Variants in SLC51A observed in about 807,000 individuals in gnomAD.
The protein encoded by SLC51A is organic solute transporter subunit alpha.
A neutral mutation model predicts 34.8 loss-of-function variants in SLC51A; 22 were observed. The observed-to-expected ratio is 0.63, with a 90% CI of 0.45 to 0.90. The LOEUF (loss-of-function observed/expected upper bound fraction) is 0.90. Ranked by LOEUF, SLC51A falls within the 40% of genes least tolerant of loss-of-function variation. The pLI, the probability that SLC51A is intolerant of heterozygous loss-of-function variation, is 0.00. For missense variants in SLC51A, 371 were observed against 414.8 expected, an observed-to-expected ratio of 0.89 and a Z score of 0.92; for synonymous variants, 181 against 176.3, an observed-to-expected ratio of 1.03 and a Z score of -0.21.
intron 2 of SLC51A, among the ~76,000 whole-genome samples, chr3:196,224,683 A>AGAAGGGGGCGG (rs1326819861): frequency 1.1e-5 from 1 of 92,626 alleles, no homozygotes; most frequent in Non-Finnish European, 2.1e-5. Context: ...TTGAAAGAAG[A>AGAAGGGGGCGG]GAAGGGGGCG....
chr3:196,232,733 A>C (rs1724054013), intron 8 of SLC51A: 2 of 590,964 alleles, frequency 3.4e-6, no homozygotes. Flanking sequence ...GCTTGAGGCC[A>C]GCCCTGAGGG....
At position 196,228,884 on chromosome 3, in the gene SLC51A, G is replaced by C. The variant is rs758059286; in HGVS notation, c.597G>C (p.Leu199=). The C allele has an allele frequency of 1.1e-5, 17 of 1,614,038 alleles. No homozygotes were observed. The highest frequency in any genetic ancestry group is 1.4e-5 in the Non-Finnish European group (17 of 1,180,038). ...FLKITLTLVG[L]FLVPDGIYDP... ...AGATAACGCTGACCCTGGTGGGCCT[G>C]TTTCTCGTCCCCGACGGCATCTATG... The change falls in exon 6 of 9, where the codon CTG becomes CTC. Residue 199 remains leucine, a synonymous_variant. Coordinates refer to ENST00000296327, the MANE Select transcript of SLC51A (RefSeq NM_152672.6). This position sits in a 1 kb window ranked among gnomAD's most constrained non-coding sequence, Gnocchi z 4.9.
chr3:196,229,689 T>TAA (rs77390915), intron 6 of SLC51A, among the ~76,000 whole-genome samples: 17 of 135,592 alleles, frequency 1.3e-4, no homozygotes, highest in African/African-American at 3.5e-4. Flanking sequence ...TCTCTATTAT[T>TAA]AAAAAAAAAA....
Position 196,232,519 on chromosome 3 carries a change from C to G in SLC51A, c.881C>G (p.Ser294Cys). ...CCTCCCTATTCCTCTAAAACCAGGT[C>G]TCAAGGTGAGCACGTTAAGCCTCCT... ...CSPPYSSKTR[S>C]QVMNCHLLIL... Residue 294 changes from serine (S) to cysteine (C), a missense_variant, in exon 8 of 9, where the codon TCT becomes TGT. Transcript: ENST00000296327. 1.2e-6 allele frequency: 2 copies of G among 1,612,824 alleles called. No individual in the cohort carries two copies. Among genetic ancestry groups the G allele is most frequent in the Non-Finnish European group, 1.7e-6 (2 of 1,178,764 alleles).
intron 2 of SLC51A, among the ~76,000 whole-genome samples, chr3:196,221,168 C>A (rs1407827504): frequency 3.3e-5 from 5 of 151,862 alleles, no homozygotes; most frequent in Admixed American, 6.6e-5. Flanking sequence ...GTGGCCCATG[C>A]TGCAACCCCA....
intron 2 of SLC51A, chr3:196,225,877 T>C (rs1438960675): frequency 6.6e-6 from 1 of 152,236 alleles, no homozygotes; most frequent in African/African-American, 2.4e-5. Flanking sequence ...CCTGGGCAGC[T>C]AGCTGCTTTT....
Position 196,227,010 on chromosome 3 carries a change from T to G in SLC51A, c.179T>G (p.Leu60Arg), listed in dbSNP as rs1560153983. 5 of 1,614,118 alleles carry G rather than the reference T, an allele frequency of 3.1e-6. No individual in the cohort carries two copies. The highest frequency in any genetic ancestry group is 4.2e-6 in the Non-Finnish European group (5 of 1,180,016). The change falls in exon 3 of 9, where the codon CTG becomes CGG. Residue 60 changes from leucine to arginine, a missense_variant. By Grantham distance (102) the Leu-to-Arg change is moderately radical. Coordinates refer to ENST00000296327, the MANE Select transcript of SLC51A (RefSeq NM_152672.6). The stretch of plus-strand genomic sequence containing the variant: ...GCCCTCACTAGCATCCTGACCTTGC[T>G]GGCGCTGGGCTCCATTGCCATCTTC... ...ELALTSILTL[L>R]ALGSIAIFLE... is the part of the protein sequence containing the mutation.
rs889059062 is a variant in SLC51A, at chr3:196,216,640, C to T, written c.-73C>T. 65 of 1,493,682 alleles carry T rather than the reference C, an allele frequency of 4.4e-5. No homozygotes were observed. The highest frequency in any genetic ancestry group is 7.0e-5 in the African/African-American group (5 of 71,804). 92.5% of individuals were successfully genotyped at this position (1,493,682 alleles called of 1,614,324 possible). On this transcript the variant is annotated 5_prime_UTR_variant, in exon 1 of 9. Transcript: ENST00000296327. The surrounding 1 kb of genome is among the most constrained non-coding windows in gnomAD (Gnocchi z 4.5). Reference sequence around the variant, plus strand: ...CGGCCCAGGCAAGCCACCCTGCCCCCGGCCCCCACCTGCCCGCCCCGCCTG... The same window carrying T: ...CGGCCCAGGCAAGCCACCCTGCCCCTGGCCCCCACCTGCCCGCCCCGCCTG...
chr3:196,223,388 C>T (rs767022034), intron 2 of SLC51A, among the ~76,000 whole-genome samples: 5 of 151,808 alleles, frequency 3.3e-5, no homozygotes. Context: ...CGAGAATAAG[C>T]GAGTAAACAG....
Position 196,223,028 on chromosome 3 carries a change from C to T in SLC51A, c.134-3937C>T, listed in dbSNP as rs775785869. ...CCCACCCTCACCTTCATAAATGGAA[C>T]GGCCCTCCCAGGGTTGCCTTTGATG... On this transcript the variant is annotated intron_variant, in intron 2 of 8. Coordinates refer to ENST00000296327, the MANE Select transcript of SLC51A (RefSeq NM_152672.6). Among the ~76,000 whole-genome samples, 23 of 151,928 alleles carry T rather than the reference C, an allele frequency of 1.5e-4. 1 individual carries two copies. Among genetic ancestry groups the T allele is most frequent in the Non-Finnish European group, 2.7e-4 (18 of 67,816 alleles).
rs1406281058 is a variant in SLC51A at position 196,232,919 on chromosome 3, T to TAAA, written c.887-143_887-142insAAA. On this transcript the variant is annotated intron_variant, in intron 8 of 8. Coordinates refer to ENST00000296327, the MANE Select transcript of SLC51A (RefSeq NM_152672.6). ...TGGCTCTACCATTAACCCGCTGTGT[T>TAAA]ATTTATGACAATTTCGTATCCCTAA... 4.8e-6 allele frequency: 4 copies of TAAA among 837,234 alleles called. No individual in the cohort carries two copies. The African/African-American group carries it at 6.8e-5, about 14-fold the overall frequency. 51.9% of individuals were successfully genotyped at this position (837,234 alleles called of 1,614,324 possible). A position where few individuals can be genotyped will look rare whatever the true frequency, so the allele number is the denominator to read the frequency against.
intron 7 of SLC51A, among the ~76,000 whole-genome samples, chr3:196,231,482 G>A (rs1724027546): frequency 6.6e-6 from 1 of 152,206 alleles, no homozygotes; most frequent in Non-Finnish European, 1.5e-5. Flanking sequence ...AACAGAGTGA[G>A]TTCACGTACA....
At chr3:196,227,253 G>A in intron 3 of SLC51A, 134 bp downstream of exon 3, 1 of 876,602 alleles carries the variant, frequency 1.1e-6, no homozygotes, top group South Asian at 1.7e-5. Flanking sequence ...GAGGTTTGCA[G>A]GCCGACCTCC....
At chr3:196,230,100 G>A (rs779612597) in intron 7 of SLC51A, 39 bp downstream of exon 7, 135 of 1,552,830 alleles carry the variant, frequency 8.7e-5, no homozygotes, top group Non-Finnish European at 1.1e-4. Flanking sequence ...TTTCATAACC[G>A]AGCTACAGAT....
Position 196,227,092 on chromosome 3 carries a change from T to C in SLC51A, c.261T>C (p.Thr87=). 1 of 1,614,088 alleles carries C rather than the reference T, an allele frequency of 6.2e-7. No homozygotes were observed. The highest frequency in any genetic ancestry group is 8.5e-7 in the Non-Finnish European group (1 of 1,180,026). ...KNTLCPIKRR[T]LLWKSSAPTV... ...CCCTTTGCCCCATCAAGAGGCGGACTCTGCTCTGGAAGAGCTCGGCACCCA... is the reference window on the plus strand; with the variant it reads ...CCCTTTGCCCCATCAAGAGGCGGACCCTGCTCTGGAAGAGCTCGGCACCCA... The change falls in exon 3 of 9, where the codon ACT becomes ACC. Residue 87 remains threonine, a synonymous_variant. Coordinates refer to ENST00000296327, the MANE Select transcript of SLC51A (RefSeq NM_152672.6).
At chr3:196,217,667 GAA>G (rs1046599117) in intron 1 of SLC51A, among the ~76,000 whole-genome samples, 173 bp from the exon 2 acceptor site, 3 of 151,544 alleles carry the variant, frequency 2.0e-5, no homozygotes, top group Non-Finnish European at 2.9e-5. Context: ...AAGGGAGAGA[GAA>G]AGAGAAAGAG....
chr3:196,228,995 C>A lies in SLC51A; in HGVS notation c.633+75C>A. 2.4e-6 allele frequency: 3 copies of A among 1,238,966 alleles called. No homozygotes were observed. Among genetic ancestry groups the A allele is most frequent in the Admixed American group, 1.7e-5 (1 of 58,276 alleles). The allele number at this position is 1,238,966 out of a possible 1,614,324, so 76.7% of individuals were successfully genotyped here. On this transcript the variant is annotated intron_variant, in intron 6 of 8. Transcript: ENST00000296327. The surrounding 1 kb of genome is among the most constrained non-coding windows in gnomAD (Gnocchi z 4.9). Reference sequence around the variant, plus strand: ...TGTGTTCTAAAAGGAATCACCAGAGCCAACACCCCTTGACAGAGGGCCCCA... The same window carrying A: ...TGTGTTCTAAAAGGAATCACCAGAGACAACACCCCTTGACAGAGGGCCCCA...
rs1177148031 is a variant in SLC51A at position 196,227,704 on chromosome 3, G to A, written c.329G>A (p.Arg110His). 5.6e-6 allele frequency: 9 copies of A among 1,613,558 alleles called. No individual in the cohort carries two copies. Among genetic ancestry groups the A allele is most frequent in the African/African-American group, 2.7e-5 (2 of 74,808 alleles). The change falls in exon 4 of 9, where the codon CGT (arginine) becomes CAT (histidine). Residue 110 changes from arginine to histidine, a missense_variant. By Grantham distance (29) the Arg-to-His change is conservative (BLOSUM62 0). Transcript: ENST00000296327. Reference protein sequence around the residue: ...VLCCFGLWIPRSLVLVEMTIT... With the variant: ...VLCCFGLWIPHSLVLVEMTIT... ...TGCTGCTTTGGTCTCTGGATCCCTCGTTCCCTGGTGCTGGTGGAAATGACC... is the reference window on the plus strand; with the variant it reads ...TGCTGCTTTGGTCTCTGGATCCCTCATTCCCTGGTGCTGGTGGAAATGACC...
At position 196,227,045 on chromosome 3, in the gene SLC51A, G is replaced by T. The variant is rs1283956916; in HGVS notation, c.214G>T (p.Ala72Ser). The T allele has an allele frequency of 2.5e-6, 4 of 1,614,114 alleles. No homozygotes were observed. Among genetic ancestry groups the T allele is most frequent in the Non-Finnish European group, 3.4e-6 (4 of 1,180,034 alleles). The change falls in exon 3 of 9, where the codon GCC becomes TCC. Residue 72 changes from alanine (A) to serine (S), a missense_variant. By Grantham distance (99) the Ala-to-Ser change is moderately conservative. Transcript: ENST00000296327. Reference sequence around the variant, plus strand: ...CTCCATTGCCATCTTCCTGGAGGATGCCGTCTACCTGTACAAGAACACCCT... The same window carrying T: ...CTCCATTGCCATCTTCCTGGAGGATTCCGTCTACCTGTACAAGAACACCCT... ...LGSIAIFLED[A>S]VYLYKNTLCP... is the part of the protein sequence containing the mutation.
Sources: allele counts gnomAD v4.1 joint callset (sites outside exome capture counted in the v4.1 genomes callset), GRCh38; gene constraint gnomAD v4.1.1; non-coding constraint Gnocchi (gnomAD v3.1); transcripts MANE v1.5; gene names NCBI Gene and HGNC (gene_info 2026-07-23, HGNC 2026-07-21).